DLC1: variants seen among roughly 807,000 people sequenced by gnomAD.
DLC1 encodes the protein rho GTPase-activating protein 7.
A neutral mutation model predicts 140.3 loss-of-function variants in DLC1; 54 were observed. That is an observed-to-expected ratio of 0.38 (90% CI 0.31 to 0.48). The LOEUF (loss-of-function observed/expected upper bound fraction) is 0.48, where lower values mean the gene tolerates loss of function less well. Among genes scored for constraint, DLC1 ranks in the 20% least tolerant of loss-of-function variants. DLC1 has a pLI of 0.96. For missense variants in DLC1, 2,536 were observed against 1,907.0 expected, an observed-to-expected ratio of 1.33 and a Z score of -6.14; for synonymous variants, 986 against 728.1, an observed-to-expected ratio of 1.35 and a Z score of -5.70.
intron 5 of DLC1, among the ~76,000 whole-genome samples, chr8:13,188,937 C>T (rs1462255369): frequency 2.7e-5 from 4 of 147,872 alleles, no homozygotes; most frequent in Non-Finnish European, 1.5e-5. Context: ...TATCCGCCCG[C>T]CTCGGCCTCC....
intron 1 of DLC1, among the ~76,000 whole-genome samples, chr8:13,579,353 A>T (rs11786467): frequency 1.7e-4 from 5 of 28,758 alleles, no homozygotes; most frequent in African/African-American, 5.1e-4. Context: ...ATATATATAT[A>T]TATATATATT....
In DLC1 at chr8:13,088,808, C is replaced by T. The variant is rs143758110; in HGVS notation, c.4075-104G>A. The T allele has an allele frequency of 2.7e-3, 2,299 of 854,664 alleles. 35 individuals are homozygous for T. In the African/African-American group the frequency reaches 0.034, roughly 13 times the overall value. The allele number at this position is 854,664 out of a possible 1,614,324, so 52.9% of individuals were successfully genotyped here. ...AACAATTTTAGTTACATATAATCAACGTTAATTGATTAAATGATATAAATA... is the reference window on the plus strand; with the variant it reads ...AACAATTTTAGTTACATATAATCAATGTTAATTGATTAAATGATATAAATA... On this transcript the variant is annotated intron_variant, in intron 15 of 17. Coordinates refer to ENST00000276297, the MANE Select transcript of DLC1 (RefSeq NM_182643.3).
At chr8:13,174,111 T>C (rs1825636669) in intron 5 of DLC1, among the ~76,000 whole-genome samples, 1 of 152,236 alleles carries the variant, frequency 6.6e-6, no homozygotes, top group Middle Eastern at 3.4e-3. Context: ...GGGACTGTGG[T>C]ATTTGGTTTT....
At chr8:13,458,977 C>T (rs181661725) in intron 2 of DLC1, among the ~76,000 whole-genome samples, 1 of 152,314 alleles carries the variant, frequency 6.6e-6, no homozygotes, top group Non-Finnish European at 1.5e-5. Flanking sequence ...TAAAGTCCAA[C>T]TCACTAACCA....
chr8:13,214,003 C>G (rs1016623327), intron 5 of DLC1, among the ~76,000 whole-genome samples: 2 of 152,136 alleles, frequency 1.3e-5, no homozygotes, highest in Non-Finnish European at 2.9e-5. Context: ...AGGCCGCTCT[C>G]GAACTCCTGA....
At chr8:13,568,062 G>C in intron 1 of DLC1, 1 of 1,212,806 alleles carries the variant, frequency 8.2e-7, no homozygotes. Flanking sequence ...TGAGGACTAA[G>C]AACTTTCACT....
chr8:13,379,378 A>C (rs1030501701), intron 4 of DLC1, among the ~76,000 whole-genome samples: 2 of 152,148 alleles, frequency 1.3e-5, no homozygotes, highest in African/African-American at 4.8e-5. Flanking sequence ...TTAAGTCAAA[A>C]ATGCACTTAA....
At chr8:13,283,036 T>A (rs1313671521) in intron 5 of DLC1, among the ~76,000 whole-genome samples, 1 of 152,108 alleles carries the variant, frequency 6.6e-6, no homozygotes, top group Non-Finnish European at 1.5e-5. Context: ...AATAATAAAA[T>A]GAAAAGCAGT....
At chr8:13,382,984 T>C (rs527458134) in intron 4 of DLC1, among the ~76,000 whole-genome samples, 4 of 152,238 alleles carry the variant, frequency 2.6e-5, no homozygotes, top group Non-Finnish European at 2.9e-5. Context: ...TTGAAAGAGA[T>C]CATATGAGCA....
intron 7 of DLC1, among the ~76,000 whole-genome samples, chr8:13,107,155 C>A (rs1050180572): frequency 2.6e-5 from 4 of 152,186 alleles, no homozygotes; most frequent in Non-Finnish European, 5.9e-5. Context: ...CAATCTAAAT[C>A]CAAAAAATCT....
intron 2 of DLC1, among the ~76,000 whole-genome samples, chr8:13,422,347 A>G (rs1227504856): frequency 6.6e-6 from 1 of 152,084 alleles, no homozygotes; most frequent in East Asian, 1.9e-4. Context: ...TGAGAGAACC[A>G]GACCACAAAG....
intron 4 of DLC1, among the ~76,000 whole-genome samples, chr8:13,306,168 T>G (rs1027424569): frequency 6.6e-6 from 1 of 152,196 alleles, no homozygotes; most frequent in Non-Finnish European, 1.5e-5. Context: ...TTTATTAAAA[T>G]GGGCCTTGGT....
chr8:13,562,837 T>A (rs1804288871), intron 1 of DLC1, among the ~76,000 whole-genome samples: 1 of 151,966 alleles, frequency 6.6e-6, no homozygotes, highest in Admixed American at 6.6e-5. Flanking sequence ...TACTATGCAA[T>A]CTTAGAAATA....
chr8:13,371,457 A>G (rs1729170), intron 4 of DLC1, among the ~76,000 whole-genome samples: 95,029 of 151,424 alleles, frequency 0.63, 30,175 homozygotes, highest in East Asian at 0.84. Context: ...TTTGAATCTG[A>G]TTCTAACCAG....
At chr8:13,263,464 ATATTACT>A (rs1225802030) in intron 5 of DLC1, among the ~76,000 whole-genome samples, 1 of 151,986 alleles carries the variant, frequency 6.6e-6, no homozygotes, top group African/African-American at 2.4e-5. Context: ...GATAAGAGAA[ATATTACT>A]TATTACTTAC....
At chr8:13,091,103 C>A (rs540390586) in intron 14 of DLC1, among the ~76,000 whole-genome samples, 2 of 152,120 alleles carry the variant, frequency 1.3e-5, no homozygotes, top group Non-Finnish European at 2.9e-5. Context: ...CCACTGCGCC[C>A]GGCTGCTTTT....
At position 13,100,735 on chromosome 8, in the gene DLC1, G is replaced by C. The variant is rs764149459; in HGVS notation, c.1602C>G (p.Ile534Met). The C allele has an allele frequency of 1.3e-5, 20 of 1,598,118 alleles. No homozygotes were observed. Among genetic ancestry groups the C allele is most frequent in the Non-Finnish European group, 8.5e-7 (1 of 1,172,694 alleles). Residue 534 changes from isoleucine (I) to methionine (M), a missense_variant, in exon 9 of 18, where the codon ATC (isoleucine) becomes ATG (methionine). Physicochemically the swap from Ile to Met is conservative, Grantham distance 10. Transcript: ENST00000276297. ...CCCTTTGGAAAGTCCATTTGCCACT[G>C]ATGGCACAAGGCTCATCCTCGTCTG... Reference protein sequence around the residue: ...DDSDEDEPCAISGKWTFQRDS... With the variant: ...DDSDEDEPCAMSGKWTFQRDS...
At chr8:13,106,247 G>A (rs1354900877) in intron 7 of DLC1, among the ~76,000 whole-genome samples, 1 of 152,214 alleles carries the variant, frequency 6.6e-6, no homozygotes, top group Non-Finnish European at 1.5e-5. Context: ...GGAGAAGGGG[G>A]AAAGATACAA....
intron 5 of DLC1, among the ~76,000 whole-genome samples, chr8:13,219,284 ATAAT>A (rs957367419): frequency 7.1e-6 from 1 of 140,028 alleles, no homozygotes; most frequent in Non-Finnish European, 1.5e-5. Flanking sequence ...TAATATGAAT[ATAAT>A]TATATAGTTA....
Sources: allele counts gnomAD v4.1 joint callset (sites outside exome capture counted in the v4.1 genomes callset), GRCh38; gene constraint gnomAD v4.1.1; transcripts MANE v1.5; gene names NCBI Gene and HGNC (gene_info 2026-07-23, HGNC 2026-07-21).